PIEZO1: variants seen among roughly 807,000 people sequenced by gnomAD.
The protein encoded by PIEZO1 is piezo type mechanosensitive ion channel component 1 (Er blood group).
In PIEZO1, 296 loss-of-function variants were observed where a neutral mutation model predicts 297.2. The ratio of observed to expected loss-of-function variants is 1.00; its 90% CI spans 0.91 to 1.10. The LOEUF is 1.10. Among genes scored for constraint, PIEZO1 ranks in the 50% least tolerant of loss-of-function variants. PIEZO1 has a pLI of 0.00. For missense variants in PIEZO1, 5,018 were observed against 3,455.5 expected, an observed-to-expected ratio of 1.45 and a Z score of -11.34; for synonymous variants, 2,427 against 1,507.5, an observed-to-expected ratio of 1.61 and a Z score of -14.13.
At chr16:88,758,778 A>C (rs1411729436) in intron 1 of PIEZO1, among the ~76,000 whole-genome samples, 2 of 152,234 alleles carry the variant, frequency 1.3e-5, no homozygotes, top group Non-Finnish European at 2.9e-5. Context: ...GTTCGTCTAT[A>C]AATCAAGAAC....
chr16:88,742,523 G>C (rs1905752752), intron 2 of PIEZO1, 101 bp from the exon 3 acceptor site: 1 of 1,283,492 alleles, frequency 7.8e-7, no homozygotes, highest in Non-Finnish European at 1.1e-6. Flanking sequence ...CCAGAGCCCA[G>C]AGGCCTGAGA....
In PIEZO1 at chr16:88,722,317, C is replaced by T. The variant is rs764665558; in HGVS notation, c.4856G>A (p.Ser1619Asn). ...SPLSTGYHTR[S>N]GSEEAVTDPG... ...GTCGGTGACTGCCTCCTCACTGCCA[C>T]TGCGCGTGTGGTAGCCGGTGCTCAG... Residue 1619 changes from serine to asparagine, a missense_variant, in exon 36 of 51, where the codon AGT (serine) becomes AAT (asparagine). By Grantham distance (46) the Ser-to-Asn change is conservative. Transcript: ENST00000301015. 4 of 1,546,888 alleles carry T rather than the reference C, an allele frequency of 2.6e-6. No individual in the cohort carries two copies. In the South Asian group the frequency reaches 4.8e-5, roughly 18 times the overall value.
chr16:88,746,711 T>G (rs1349124725), intron 2 of PIEZO1, among the ~76,000 whole-genome samples: 1 of 152,216 alleles, frequency 6.6e-6, no homozygotes, highest in Non-Finnish European at 1.5e-5. Flanking sequence ...CTGACGAGGC[T>G]CAGGCAGGGA....
At chr16:88,749,057 G>GA (rs1906231652) in intron 2 of PIEZO1, among the ~76,000 whole-genome samples, 1 of 151,184 alleles carries the variant, frequency 6.6e-6, no homozygotes, top group Admixed American at 6.6e-5. Flanking sequence ...CTATCACGGT[G>GA]AAACCCCGTC....
chr16:88,771,340 C>G (rs922812096), intron 1 of PIEZO1, among the ~76,000 whole-genome samples: 3 of 152,180 alleles, frequency 2.0e-5, no homozygotes, highest in Admixed American at 2.0e-4. Context: ...GCAGCAGAGC[C>G]AGGACTGGGA....
In PIEZO1 at chr16:88,716,066, C is replaced by T. The variant is rs1018199395; in HGVS notation, c.7183G>A (p.Ala2395Thr). 4.6e-5 allele frequency: 71 copies of T among 1,550,098 alleles called. No individual in the cohort carries two copies. In the Admixed American group the frequency reaches 5.7e-4, roughly 12 times the overall value. Residue 2395 changes from alanine to threonine, a missense_variant, in exon 50 of 51, where the codon GCG (alanine) becomes ACG (threonine). Transcript: ENST00000301015. ...VRIQLRREQG[A>T]GATGFLEWWV... ...CATTCGAGGAAGCCGGTGGCCCCCG[C>T]ACCCTGCTCCCTCCGCAGCTGGATA... is the stretch of plus-strand genomic sequence containing the variant.
intron 44 of PIEZO1, chr16:88,717,562 T>C (rs1038387972): frequency 4.1e-6 from 2 of 490,742 alleles, no homozygotes; most frequent in Non-Finnish European, 8.0e-6. Context: ...AGAGCGAAAC[T>C]TCAGAGCTAA....
chr16:88,732,086 G>A (rs547466444), intron 21 of PIEZO1, among the ~76,000 whole-genome samples, 176 bp from the exon 22 acceptor site: 11 of 151,870 alleles, frequency 7.2e-5, no homozygotes, highest in East Asian at 1.9e-4. Context: ...AGTTGCCATC[G>A]TGCAGGGGAA....
At chr16:88,735,592 T>C (rs1176608958) in intron 12 of PIEZO1, among the ~76,000 whole-genome samples, 4 of 152,260 alleles carry the variant, frequency 2.6e-5, no homozygotes, top group Admixed American at 6.5e-5. Context: ...TGCTCACATA[T>C]GCACACAAGC....
chr16:88,766,950 T>C (rs1907207126), intron 1 of PIEZO1, among the ~76,000 whole-genome samples: 1 of 152,186 alleles, frequency 6.6e-6, no homozygotes, highest in Admixed American at 6.5e-5. Flanking sequence ...TTTCCTCTTC[T>C]CCACTTTCAA....
intron 38 of PIEZO1, 49 bp from the exon 39 acceptor site, chr16:88,721,479 A>T (rs1210865287): frequency 1.3e-6 from 2 of 1,538,216 alleles, no homozygotes; most frequent in Non-Finnish European, 1.8e-6. Context: ...CCTGGTGGAG[A>T]GCACAGGTGC....
In PIEZO1 at chr16:88,784,991, G is replaced by C. The variant is rs1908117471; in HGVS notation, c.-27C>G. The C allele has an allele frequency of 7.3e-6, 9 of 1,227,342 alleles. No individual in the cohort carries two copies. The highest frequency in any genetic ancestry group is 5.9e-5 in the South Asian group (2 of 33,714). 76.0% of individuals were successfully genotyped at this position (1,227,342 alleles called of 1,614,324 possible). A position where few individuals can be genotyped will look rare whatever the true frequency, so the allele number is the denominator to read the frequency against. On this transcript the variant is annotated 5_prime_UTR_variant, in exon 1 of 51. Coordinates refer to ENST00000301015, the MANE Select transcript of PIEZO1 (RefSeq NM_001142864.4). ...GCTGGAGGGCCCAGGGCCCGGCCCA[G>C]ACCGAGCGGACGCCGCGGCGCTATG...
At chr16:88,784,850 GCCGAGACGCAGCCCCCTCCCGTCGCC>G in intron 1 of PIEZO1, 25 bp downstream of exon 1, 4 of 1,297,800 alleles carry the variant, frequency 3.1e-6, no homozygotes, top group Admixed American at 2.5e-5. Context: ...GCCGTGGGGA[GCCGAGACGCAGCCCCCTCCCGTCGCC>G]CCCAGGCGCC....
rs1368174745 is a variant in PIEZO1, at chr16:88,758,989, C to G, written c.65-9510G>C. Among the ~76,000 whole-genome samples, 5 of 152,242 alleles carry G rather than the reference C, an allele frequency of 3.3e-5. No homozygotes were observed. The East Asian group carries it at 9.6e-4, about 29-fold the overall frequency. On this transcript the variant is annotated intron_variant, in intron 1 of 50. Transcript: ENST00000301015. ...AAGGCTGAGGAAGATCCACACCAAG[C>G]TGTTGCGTCTGCTCCTGCAGAAGAG...
chr16:88,737,689 G>A (rs879522928), intron 9 of PIEZO1, 39 bp downstream of exon 9: 90 of 1,531,732 alleles, frequency 5.9e-5, no homozygotes, highest in Non-Finnish European at 7.3e-5. Flanking sequence ...CTGGCCGGGC[G>A]CCCCCCACGC....
At chr16:88,780,191 C>T (rs1024325782) in intron 1 of PIEZO1, among the ~76,000 whole-genome samples, 6 of 152,226 alleles carry the variant, frequency 3.9e-5, no homozygotes, top group African/African-American at 1.4e-4. Context: ...AGGTGTGGGA[C>T]TCAACCGCCA....
intron 23 of PIEZO1, 69 bp from the exon 24 acceptor site, chr16:88,727,261 C>T (rs971037134): frequency 3.6e-5 from 52 of 1,437,764 alleles, no homozygotes; most frequent in Non-Finnish European, 4.4e-5. Context: ...CGCATAAATC[C>T]CACCTCCCAC....
chr16:88,753,695 C>A (rs1045458131), intron 1 of PIEZO1, among the ~76,000 whole-genome samples: 1 of 152,232 alleles, frequency 6.6e-6, no homozygotes, highest in Non-Finnish European at 1.5e-5. Context: ...CTCCTTGGAT[C>A]TACCTGTGCT....
chr16:88,773,656 C>G, intron 1 of PIEZO1, among the ~76,000 whole-genome samples: 1 of 150,924 alleles, frequency 6.6e-6, no homozygotes, highest in East Asian at 1.9e-4. Context: ...ACAGGCAGGT[C>G]GGGGGAGTGG....
Sources: allele counts gnomAD v4.1 joint callset (sites outside exome capture counted in the v4.1 genomes callset), GRCh38; gene constraint gnomAD v4.1.1; transcripts MANE v1.5; gene names NCBI Gene and HGNC (gene_info 2026-07-23, HGNC 2026-07-21).